AP4E1: variants seen among roughly 807,000 people sequenced by gnomAD.
AP4E1 encodes the protein adaptor related protein complex 4 subunit epsilon 1.
A neutral mutation model predicts 128.2 loss-of-function variants in AP4E1; 56 were observed. The observed-to-expected ratio is 0.44, with a 90% CI of 0.35 to 0.55. The LOEUF is 0.55. Ranked by LOEUF, AP4E1 falls within the 20% of genes least tolerant of loss-of-function variation. The pLI, the probability that AP4E1 is intolerant of heterozygous loss-of-function variation, is 0.00. For missense variants in AP4E1, 1,324 were observed against 1,307.7 expected, an observed-to-expected ratio of 1.01 and a Z score of -0.19; for synonymous variants, 484 against 473.1, an observed-to-expected ratio of 1.02 and a Z score of -0.30.
intron 10 of AP4E1, chr15:50,945,504 T>G: frequency 1.3e-6 from 1 of 754,024 alleles, no homozygotes; most frequent in South Asian, 1.4e-5. Context: ...ATATGGATCA[T>G]GTATCTGCAG....
intron 15 of AP4E1, among the ~76,000 whole-genome samples, chr15:50,978,526 A>C (rs1336930183): frequency 6.6e-6 from 1 of 152,170 alleles, no homozygotes. Flanking sequence ...GAGGCCTCTA[A>C]AGTATTAATA....
At chr15:50,909,344 C>T (rs892082321) in intron 1 of AP4E1, among the ~76,000 whole-genome samples, 4 of 151,938 alleles carry the variant, frequency 2.6e-5, no homozygotes, top group Non-Finnish European at 5.9e-5. Context: ...GTTTTTTTTC[C>T]CTACTCAGTT....
At chr15:50,922,423 G>A (rs544180169) in intron 3 of AP4E1, among the ~76,000 whole-genome samples, 1 of 152,116 alleles carries the variant, frequency 6.6e-6, no homozygotes, top group Admixed American at 6.6e-5. Flanking sequence ...GATTGTGAGA[G>A]TAATAGCTCT....
intron 3 of AP4E1, among the ~76,000 whole-genome samples, chr15:50,921,011 C>T (rs754959268): frequency 6.6e-6 from 1 of 151,812 alleles, no homozygotes; most frequent in Non-Finnish European, 1.5e-5. Context: ...CCATGTTGGC[C>T]AGGCTGGTCT....
At chr15:50,938,804 C>T (rs1444282020) in intron 8 of AP4E1, among the ~76,000 whole-genome samples, 2 of 152,074 alleles carry the variant, frequency 1.3e-5, no homozygotes, top group African/African-American at 4.8e-5. Context: ...GTTGATACTC[C>T]CTCCAACAAT....
chr15:50,981,014 T>G (rs143203701), intron 15 of AP4E1, among the ~76,000 whole-genome samples: 20 of 152,130 alleles, frequency 1.3e-4, no homozygotes, highest in African/African-American at 4.8e-4. Context: ...AGGGCAATGC[T>G]GAGCAGAAAT....
chr15:50,925,796 ATTT>A (rs34511684), intron 5 of AP4E1, among the ~76,000 whole-genome samples: 7 of 141,420 alleles, frequency 4.9e-5, no homozygotes, highest in African/African-American at 5.2e-5. Flanking sequence ...TGCCCGACTA[ATTT>A]TTTTTTTTTT....
intron 4 of AP4E1, among the ~76,000 whole-genome samples, chr15:50,924,349 G>A (rs2063743950): frequency 6.6e-6 from 1 of 151,770 alleles, no homozygotes; most frequent in Non-Finnish European, 1.5e-5. Flanking sequence ...TGTTCTAAAG[G>A]GATATAGATA....
At chr15:50,943,796 C>T (rs541501362) in intron 10 of AP4E1, among the ~76,000 whole-genome samples, 1 of 152,160 alleles carries the variant, frequency 6.6e-6, no homozygotes, top group South Asian at 2.1e-4. Flanking sequence ...GATTAATGGG[C>T]TGGTAGCATA....
chr15:51,003,129 A>G lies in AP4E1; in HGVS notation c.*467A>G, dbSNP rs2064984429. The G allele has an allele frequency of 1.0e-5, 2 of 193,176 alleles. No individual in the cohort carries two copies. Among genetic ancestry groups the G allele is most frequent in the South Asian group, 1.0e-4 (1 of 9,888 alleles). 12.0% of individuals were successfully genotyped at this position (193,176 alleles called of 1,614,324 possible). ...TATGGTTTTTGGTAGGGAAGTCAAT[A>G]TTTTCGATTATGTTTTGCTTAGATC... On this transcript the variant is annotated 3_prime_UTR_variant, in exon 21 of 21. Transcript: ENST00000261842.
intron 4 of AP4E1, among the ~76,000 whole-genome samples, chr15:50,924,298 T>G (rs148606952): frequency 6.6e-6 from 1 of 152,296 alleles, no homozygotes; most frequent in East Asian, 1.9e-4. Context: ...AGTTGTTAGT[T>G]TAGGTATACT....
At chr15:50,924,062 T>C (rs560528248) in intron 4 of AP4E1, 58 bp downstream of exon 4, 3 of 1,383,394 alleles carry the variant, frequency 2.2e-6, no homozygotes, top group African/African-American at 2.8e-5. Flanking sequence ...ACCTGATATT[T>C]CTCCTCGATC....
rs779273269 is a variant in AP4E1, at chr15:50,908,974, C to T, written c.150+46C>T. ...GAGCTCAGGGACATCGGAGTGAGGC[C>T]CCCGCGCCAGGAGGCCCTGGCCGGG... On this transcript the variant is annotated intron_variant, in intron 1 of 20. Transcript: ENST00000261842. 4.4e-6 allele frequency: 7 copies of T among 1,605,048 alleles called. No individual in the cohort carries two copies. The South Asian group carries it at 7.8e-5, about 18-fold the overall frequency.
At chr15:50,927,182 A>T (rs1479501511) in intron 5 of AP4E1, among the ~76,000 whole-genome samples, 1 of 152,156 alleles carries the variant, frequency 6.6e-6, no homozygotes, top group East Asian at 1.9e-4. Flanking sequence ...TCCTTCTGAG[A>T]ATTGAAAGGT....
chr15:50,936,011 TA>T (rs1392013268), intron 8 of AP4E1, among the ~76,000 whole-genome samples: 1 of 152,250 alleles, frequency 6.6e-6, no homozygotes, highest in Non-Finnish European at 1.5e-5. Flanking sequence ...GATTGTGTTT[TA>T]AACTAGGTGC....
chr15:50,945,749 T>C (rs773356753), intron 10 of AP4E1: 2 of 769,632 alleles, frequency 2.6e-6, no homozygotes, highest in Admixed American at 1.9e-5. Flanking sequence ...TTTGGTGTGC[T>C]TACATCATGA....
chr15:50,954,844 G>A (rs752694938), intron 13 of AP4E1, among the ~76,000 whole-genome samples: 28 of 151,908 alleles, frequency 1.8e-4, no homozygotes, highest in Non-Finnish European at 3.5e-4. Context: ...TCCCTCTGCC[G>A]TCCCCCTACC....
intron 3 of AP4E1, among the ~76,000 whole-genome samples, chr15:50,921,092 C>T (rs777512297): frequency 6.8e-6 from 1 of 146,520 alleles, no homozygotes; most frequent in African/African-American, 2.6e-5. Context: ...CATGAACTAC[C>T]GTGCCCAGCC....
At chr15:50,956,456 A>C (rs1416446332) in intron 13 of AP4E1, among the ~76,000 whole-genome samples, 7 of 152,180 alleles carry the variant, frequency 4.6e-5, no homozygotes, top group Non-Finnish European at 8.8e-5. Context: ...GTCCATTCTC[A>C]CACTGCTATG....
Sources: allele counts gnomAD v4.1 joint callset (sites outside exome capture counted in the v4.1 genomes callset), GRCh38; gene constraint gnomAD v4.1.1; transcripts MANE v1.5; gene names NCBI Gene and HGNC (gene_info 2026-07-23, HGNC 2026-07-21).